RAPGEF2: variants seen among roughly 807,000 people sequenced by gnomAD.
RAPGEF2 encodes PDZ domain containing guanine nucleotide exchange factor (GEF) 1.
RAPGEF2 carries 54 observed loss-of-function variants against 186.7 expected under a neutral mutation model. The ratio of observed to expected loss-of-function variants is 0.29; its 90% CI spans 0.23 to 0.36. The LOEUF (loss-of-function observed/expected upper bound fraction) is 0.36, where lower values mean the gene tolerates loss of function less well. Among genes scored for constraint, RAPGEF2 ranks in the 10% least tolerant of loss-of-function variants. The probability of loss-of-function intolerance (pLI) is 1.00; values close to 1 mark genes in which losing one functional copy is unlikely to be tolerated. For missense variants in RAPGEF2, 1,532 were observed against 2,045.0 expected (o/e 0.75, Z 4.84); for synonymous variants, 712 against 705.9 (o/e 1.01, Z -0.14).
chr4:159,259,933 G>A (rs1158084923), intron 7 of RAPGEF2, among the ~76,000 whole-genome samples: 1 of 151,904 alleles, frequency 6.6e-6, no homozygotes, highest in African/African-American at 2.4e-5. Flanking sequence ...TAATTTTTAA[G>A]GATGTTAAGA....
At position 159,347,962 on chromosome 4, in the gene RAPGEF2, T is replaced by C. The variant is rs947001054; in HGVS notation, c.3712+964T>C. The stretch of plus-strand genomic sequence containing the variant: ...TAGGCTGGGTGCAGTGTCTCATGCC[T>C]GTAATCCCAGCACTTCAGGAGGCTG... On this transcript the variant is annotated intron_variant, in intron 25 of 29. Coordinates refer to ENST00000691494, the MANE Select transcript of RAPGEF2 (RefSeq NM_001394067.2). 5.3e-5 allele frequency among the ~76,000 whole-genome samples: 8 copies of C among 152,332 alleles called. No homozygotes were observed. The East Asian group carries it at 1.5e-3, about 29-fold the overall frequency.
chr4:159,124,213 G>A (rs780931052), intron 1 of RAPGEF2, among the ~76,000 whole-genome samples: 3 of 151,850 alleles, frequency 2.0e-5, no homozygotes, highest in Non-Finnish European at 2.9e-5. Flanking sequence ...TTGGACTCTC[G>A]ATGAGAACTT....
At chr4:159,163,745 T>G (rs1180041014) in intron 1 of RAPGEF2, among the ~76,000 whole-genome samples, 1 of 152,182 alleles carries the variant, frequency 6.6e-6, no homozygotes, top group Non-Finnish European at 1.5e-5. Flanking sequence ...GTCCTTACTG[T>G]GTGCTAGAGA....
chr4:159,104,455 C>T (rs1737559874), intron 1 of RAPGEF2, among the ~76,000 whole-genome samples: 1 of 148,754 alleles, frequency 6.7e-6, no homozygotes. Context: ...CTCTTCCCTC[C>T]CCATGACTGA....
At chr4:159,228,099 G>A (rs1752225315) in intron 4 of RAPGEF2, among the ~76,000 whole-genome samples, 1 of 152,172 alleles carries the variant, frequency 6.6e-6, no homozygotes, top group Non-Finnish European at 1.5e-5. Flanking sequence ...AGGTCATGAG[G>A]CTGGTATGCG....
At chr4:159,317,612 C>T (rs1322353098) in intron 9 of RAPGEF2, among the ~76,000 whole-genome samples, 2 of 152,160 alleles carry the variant, frequency 1.3e-5, no homozygotes, top group Non-Finnish European at 2.9e-5. Flanking sequence ...GTTTCACTCT[C>T]CAATTCCCTG....
At chr4:159,122,674 G>T (rs555197165) in intron 1 of RAPGEF2, among the ~76,000 whole-genome samples, 1 of 152,228 alleles carries the variant, frequency 6.6e-6, no homozygotes, top group South Asian at 2.1e-4. Flanking sequence ...CATGAGTATG[G>T]TTACTCATCT....
chr4:159,180,716 G>A (rs1041208355), intron 1 of RAPGEF2, among the ~76,000 whole-genome samples: 2 of 152,106 alleles, frequency 1.3e-5, no homozygotes, highest in African/African-American at 2.4e-5. Flanking sequence ...ATAATGACAC[G>A]TTTGAAAGTA....
At position 159,193,378 on chromosome 4, in the gene RAPGEF2, A is replaced by G. The variant is rs544711739; in HGVS notation, c.197+122A>G. On this transcript the variant is annotated intron_variant, in intron 3 of 29. Transcript: ENST00000691494. Reference sequence around the variant, plus strand: ...CACTAACTTATTTTTCTTAGTTGAGAAATGGGAAACATTTTATCTGTTTCC... The same window carrying G: ...CACTAACTTATTTTTCTTAGTTGAGGAATGGGAAACATTTTATCTGTTTCC... 2.2e-5 allele frequency: 10 copies of G among 452,192 alleles called. No homozygotes were observed. In the East Asian group the frequency reaches 3.5e-4, roughly 16 times the overall value. The allele number at this position is 452,192 out of a possible 1,614,324, so 28.0% of individuals were successfully genotyped here. A position where few individuals can be genotyped will look rare whatever the true frequency, so the allele number is the denominator to read the frequency against.
intron 1 of RAPGEF2, among the ~76,000 whole-genome samples, chr4:159,184,751 A>G (rs1747386594): frequency 6.6e-6 from 1 of 152,058 alleles, no homozygotes; most frequent in South Asian, 2.1e-4. Flanking sequence ...GTTTAATTAG[A>G]TCCCATTTGT....
intron 7 of RAPGEF2, among the ~76,000 whole-genome samples, chr4:159,281,625 C>T (rs1759717033): frequency 7.2e-6 from 1 of 138,840 alleles, no homozygotes; most frequent in Non-Finnish European, 1.5e-5. Flanking sequence ...GAGCTGAGAT[C>T]ATGCCATTGC....
At chr4:159,356,775 C>T (rs1732073207) in intron 29 of RAPGEF2, among the ~76,000 whole-genome samples, 1 of 152,084 alleles carries the variant, frequency 6.6e-6, no homozygotes, top group South Asian at 2.1e-4. Flanking sequence ...GTGGCAGGCA[C>T]CTGTAATCCC....
chr4:159,164,918 G>C (rs551404320), intron 1 of RAPGEF2, among the ~76,000 whole-genome samples: 3 of 152,120 alleles, frequency 2.0e-5, no homozygotes, highest in Non-Finnish European at 4.4e-5. Flanking sequence ...TCAAAATATT[G>C]CAAGCACACA....
At chr4:159,325,602 T>G (rs973078953) in intron 11 of RAPGEF2, among the ~76,000 whole-genome samples, 1 of 105,540 alleles carries the variant, frequency 9.5e-6, no homozygotes, top group African/African-American at 3.2e-5. Context: ...AAAGTTTGTT[T>G]GTTTTTTTTT....
intron 1 of RAPGEF2, among the ~76,000 whole-genome samples, chr4:159,137,131 C>T (rs1440144499): frequency 6.6e-6 from 1 of 152,196 alleles, no homozygotes; most frequent in Non-Finnish European, 1.5e-5. Context: ...TTGAAACTTA[C>T]CTTGGTTTAA....
intron 1 of RAPGEF2, among the ~76,000 whole-genome samples, chr4:159,176,149 C>G (rs1319117884): frequency 2.0e-5 from 3 of 152,006 alleles, no homozygotes; most frequent in African/African-American, 7.3e-5. Flanking sequence ...TTTGGAGGGA[C>G]TTTGTGTTAG....
Position 159,339,111 on chromosome 4 carries a change from C to G in RAPGEF2, c.2294-3C>G. ...TTATGTGTGTGATTTTTCTTTCCCCCAGACTTGCCAGATCAAGTGCTAAGG... is the reference window on the plus strand; with the variant it reads ...TTATGTGTGTGATTTTTCTTTCCCCGAGACTTGCCAGATCAAGTGCTAAGG... On this transcript the variant is annotated splice_region_variant and splice_polypyrimidine_tract_variant and intron_variant, in intron 18 of 29. Transcript: ENST00000691494. 1.2e-6 allele frequency: 2 copies of G among 1,610,646 alleles called. No homozygotes were observed. The highest frequency in any genetic ancestry group is 2.2e-5 in the South Asian group (2 of 90,714).
At chr4:159,304,264 T>C (rs1427139938) in intron 7 of RAPGEF2, 78 bp from the exon 8 acceptor site, 2 of 1,336,630 alleles carry the variant, frequency 1.5e-6, no homozygotes, top group African/African-American at 1.5e-5. Context: ...GAATAAAATA[T>C]GATATTTTAA....
At chr4:159,216,139 A>G (rs187412302) in intron 4 of RAPGEF2, among the ~76,000 whole-genome samples, 305 of 152,304 alleles carry the variant, frequency 2.0e-3, no homozygotes, top group African/African-American at 6.8e-3. Context: ...TGAAACATGC[A>G]TTGACCACAC....
Sources: gnomAD v4.1 joint callset for allele counts (sites outside exome capture counted in the v4.1 genomes callset) on GRCh38, gnomAD v4.1.1 for gene constraint, MANE v1.5 for transcripts, NCBI Gene and HGNC (gene_info 2026-07-23, HGNC 2026-07-21) for gene names.